The following BBS2 variants were observed in gnomAD, a reference collection of about 807,000 sequenced individuals.
The protein encoded by BBS2 is Bardet-Biedl syndrome 2, also known as BBSome complex member BBS2.
Under a neutral mutation model 83.0 loss-of-function variants are expected in BBS2, and 62 were observed. That is an observed-to-expected ratio of 0.75 (90% CI 0.61 to 0.92). The LOEUF (loss-of-function observed/expected upper bound fraction) is 0.92, where lower values mean the gene tolerates loss of function less well. Among genes scored for constraint, BBS2 ranks in the 40% least tolerant of loss-of-function variants. BBS2 has a pLI of 0.00. For synonymous variants in BBS2, 303 were observed against 326.1 expected, an observed-to-expected ratio of 0.93 and a Z score of 0.76; for missense variants, 784 against 901.0, an observed-to-expected ratio of 0.87 and a Z score of 1.66.
At position 56,484,915 on chromosome 16, in the gene BBS2, T is replaced by C. The variant is rs139174995; in HGVS notation, c.2060-48A>G. 7.6e-5 allele frequency: 109 copies of C among 1,428,482 alleles called. 1 individual carries two copies. In the African/African-American group the frequency reaches 1.4e-3, roughly 18 times the overall value. The allele number at this position is 1,428,482 out of a possible 1,614,324, so 88.5% of individuals were successfully genotyped here. A position where few individuals can be genotyped will look rare whatever the true frequency, so the allele number is the denominator to read the frequency against. On this transcript the variant is annotated intron_variant, in intron 16 of 16. Transcript: ENST00000245157. The stretch of plus-strand genomic sequence containing the variant: ...AACCAAAAGATTGTTAGACATGAAA[T>C]TATAAAATTAGACGTCAGTTTTAAA...
chr16:56,499,627 G>T, intron 12 of BBS2, 151 bp downstream of exon 12: 3 of 1,046,694 alleles, frequency 2.9e-6, no homozygotes, highest in Non-Finnish European at 4.3e-6. Context: ...TTTTATTACA[G>T]GTTACAAGCC....
chr16:56,485,547 A>G (rs1205901427), intron 16 of BBS2, 43 bp downstream of exon 16: 1 of 1,611,508 alleles, frequency 6.2e-7, no homozygotes, highest in African/African-American at 1.3e-5. Context: ...GTTCCACCAA[A>G]AACATTACAG....
chr16:56,484,652 T>G lies in BBS2; in HGVS notation c.*109A>C, dbSNP rs2144092587. 9.3e-6 allele frequency: 8 copies of G among 856,786 alleles called. No individual in the cohort carries two copies. The South Asian group carries it at 1.0e-4, about 11-fold the overall frequency. The allele number at this position is 856,786 out of a possible 1,614,324, so 53.1% of individuals were successfully genotyped here. A position where few individuals can be genotyped will look rare whatever the true frequency, so the allele number is the denominator to read the frequency against. ...TAATTTGTACAACTCACCAAGGTTATTTTCATTCTTAGCACCCGGGGTTCA... is the reference window on the plus strand; with the variant it reads ...TAATTTGTACAACTCACCAAGGTTAGTTTCATTCTTAGCACCCGGGGTTCA... On this transcript the variant is annotated 3_prime_UTR_variant, in exon 17 of 17. Coordinates refer to ENST00000245157, the MANE Select transcript of BBS2 (RefSeq NM_031885.5).
chr16:56,471,212 A>T (rs1963165366), intron 17 of BBS2, among the ~76,000 whole-genome samples: 1 of 151,290 alleles, frequency 6.6e-6, no homozygotes, highest in South Asian at 2.1e-4. Context: ...AAAAAAAAAA[A>T]TTTGCCAGGC....
intron 13 of BBS2, among the ~76,000 whole-genome samples, 156 bp from the exon 14 acceptor site, chr16:56,498,036 C>T (rs188723372): frequency 1.3e-5 from 2 of 152,164 alleles, no homozygotes; most frequent in Non-Finnish European, 2.9e-5. Flanking sequence ...AAAGAAATTA[C>T]AAACTGCATT....
rs1964305246 is a variant in BBS2 at position 56,502,552 on chromosome 16, T to C, written c.941-96A>G. 2.1e-5 allele frequency: 34 copies of C among 1,610,272 alleles called. No individual in the cohort carries two copies. The South Asian group carries it at 3.6e-4, about 17-fold the overall frequency. ...ACAAAAACCTAAGTTCTCCCCAACT[T>C]TGGTGAATTTATTAGAACTACAGGA... On this transcript the variant is annotated intron_variant, in intron 8 of 16. Transcript: ENST00000245157.
At position 56,511,223 on chromosome 16, in the gene BBS2, G is replaced by GC. The variant is rs756003832; in HGVS notation, c.406dup (p.Ala136GlyfsTer15). 2.5e-6 allele frequency: 4 copies of GC among 1,613,850 alleles called. No individual in the cohort carries two copies. Among genetic ancestry groups the GC allele is most frequent in the South Asian group, 2.2e-5 (2 of 91,078 alleles). ...CAGAGCACAATTGCCACCAATAATC[G>GC]CAAGAGGGGAAGAAATGTCTCCCAA... On this transcript the variant is annotated frameshift_variant, in exon 3 of 17. Transcript: ENST00000245157. LOFTEE classifies it high-confidence loss of function.
At chr16:56,483,083 T>C (rs1963688430), downstream of BBS2, among the ~76,000 whole-genome samples, 1 of 152,198 alleles carries the variant, frequency 6.6e-6, no homozygotes, top group Non-Finnish European at 1.5e-5. Context: ...CACACCTAGA[T>C]GGTATAGCCT....
chr16:56,482,462 G>A (rs1963678798), downstream of BBS2, among the ~76,000 whole-genome samples: 1 of 152,086 alleles, frequency 6.6e-6, no homozygotes, highest in East Asian at 1.9e-4. Flanking sequence ...GTGTGAGGCA[G>A]ATTTACGATG....
At chr16:56,480,448 C>G (rs1262940240), downstream of BBS2, among the ~76,000 whole-genome samples, 3 of 150,362 alleles carry the variant, frequency 2.0e-5, no homozygotes, top group East Asian at 5.8e-4. Flanking sequence ...GAGACGGAGT[C>G]TCTGTCACCC....
In BBS2 at chr16:56,519,899, G is replaced by C. The variant is rs1284750427; in HGVS notation, c.-37C>G. On this transcript the variant is annotated 5_prime_UTR_variant, in exon 1 of 17. Transcript: ENST00000245157. ...CTTAGGGGAGGAGGGCTGGAAGCTG[G>C]AGACAAGCGCAGCGGAGCTGGCCTC... is the stretch of plus-strand genomic sequence containing the variant. 1.5e-5 allele frequency: 23 copies of C among 1,561,490 alleles called. No homozygotes were observed. The highest frequency in any genetic ancestry group is 1.9e-5 in the Non-Finnish European group (22 of 1,132,874).
At position 56,506,724 on chromosome 16, in the gene BBS2, A is replaced by G. The variant is rs529183660; in HGVS notation, c.613-500T>C. The stretch of plus-strand genomic sequence containing the variant: ...ATGACATAATTTGTTTGCTAGAGGT[A>G]AAAGAAAGAACACATAATCCTTTGA... On this transcript the variant is annotated intron_variant, in intron 5 of 16. Transcript: ENST00000245157. Among the ~76,000 whole-genome samples the G allele has an allele frequency of 2.6e-5, 4 of 152,342 alleles. No homozygotes were observed. In the East Asian group the frequency reaches 7.7e-4, roughly 29 times the overall value.
intron 9 of BBS2, 155 bp downstream of exon 9, chr16:56,502,162 T>G (rs1334127833): frequency 9.9e-7 from 1 of 1,005,030 alleles, no homozygotes; most frequent in Non-Finnish European, 1.6e-6. Flanking sequence ...AAATGAAATT[T>G]CAAGACGAAA....
chr16:56,518,129 C>T (rs1964804388), intron 1 of BBS2, among the ~76,000 whole-genome samples: 1 of 151,992 alleles, frequency 6.6e-6, no homozygotes, highest in African/African-American at 2.4e-5. Flanking sequence ...TCAGTGACTT[C>T]TAACTGTAAC....
Position 56,499,806 on chromosome 16 carries a change from T to C in BBS2, c.1499A>G (p.Asn500Ser). ...CTGTGCCCGTTCTGCAATGGTAAAG[T>C]TAACATAACTGATTGGCTCACTGGC... ...DPASEPISYVNFTIAERAQRV... is the reference protein window; with the variant it reads ...DPASEPISYVSFTIAERAQRV... Residue 500 changes from asparagine (N) to serine (S), a missense_variant, in exon 12 of 17, where the codon AAC becomes AGC. Asn to Ser is a conservative substitution (Grantham distance 46). Transcript: ENST00000245157. The C allele has an allele frequency of 6.2e-7, 1 of 1,614,176 alleles. No homozygotes were observed. The highest frequency in any genetic ancestry group is 8.5e-7 in the Non-Finnish European group (1 of 1,180,020).
chr16:56,514,557 C>T lies in BBS2; in HGVS notation c.241G>A (p.Gly81Ser). 2 of 1,614,146 alleles carry T rather than the reference C, an allele frequency of 1.2e-6. No homozygotes were observed. The highest frequency in any genetic ancestry group is 1.7e-6 in the Non-Finnish European group (2 of 1,179,986). The change falls in exon 2 of 17, where the codon GGC (glycine) becomes AGC (serine). Residue 81 changes from glycine to serine, a missense_variant. Coordinates refer to ENST00000245157, the MANE Select transcript of BBS2 (RefSeq NM_031885.5). ...INQAVSCLTA[G>S]VLNPELGYDA... is the part of the protein sequence containing the mutation. ...TAGCCAAGCTCAGGGTTCAATACGC[C>T]TGCAGTCAGACAGCTGACTGCCTGG...
chr16:56,520,000 GGACGAACC>G lies in BBS2; in HGVS notation c.-146_-139del. 1 of 742,534 alleles carries G rather than the reference GGACGAACC, an allele frequency of 1.3e-6. No individual in the cohort carries two copies. Among genetic ancestry groups the G allele is most frequent in the Non-Finnish European group, 2.4e-6 (1 of 421,220 alleles). The allele number at this position is 742,534 out of a possible 1,614,324, so 46.0% of individuals were successfully genotyped here. ...CTCAGGCCGGACGCGAAACAGCCCG[GGACGAACC>G]CGTCCAGGTACCGCCTGCTCCTCCT... On this transcript the variant is annotated 5_prime_UTR_variant, in exon 1 of 17. Transcript: ENST00000245157.
chr16:56,494,819 G>T (rs562929400), intron 15 of BBS2, among the ~76,000 whole-genome samples: 1 of 152,004 alleles, frequency 6.6e-6, no homozygotes, highest in Admixed American at 6.6e-5. Flanking sequence ...AAAATTAGCC[G>T]GGCTTGGTGG....
chr16:56,475,436 A>G, intron 17 of BBS2: 1 of 1,355,576 alleles, frequency 7.4e-7, no homozygotes, highest in Non-Finnish European at 1.1e-6. Flanking sequence ...GCATGGGATC[A>G]GTGATTTAAG....
Sources: allele counts gnomAD v4.1 joint callset (sites outside exome capture counted in the v4.1 genomes callset), GRCh38; gene constraint gnomAD v4.1.1; transcripts MANE v1.5; gene names NCBI Gene and HGNC (gene_info 2026-07-23, HGNC 2026-07-21).